Variants in FKBP15 observed in about 807,000 individuals in gnomAD.
FKBP15 encodes the protein FK506-binding protein 15.
A neutral mutation model predicts 158.1 loss-of-function variants in FKBP15; 106 were observed. That is an observed-to-expected ratio of 0.67 (90% confidence interval 0.57 to 0.79). The LOEUF (loss-of-function observed/expected upper bound fraction) is 0.79, where lower values mean the gene tolerates loss of function less well. FKBP15 is among the 30% of genes least tolerant of loss of function. The probability of loss-of-function intolerance (pLI) is 0.00; values close to 1 mark genes in which losing one functional copy is unlikely to be tolerated. For missense variants in FKBP15, 1,287 were observed against 1,479.1 expected (o/e 0.87, Z 2.13); for synonymous variants, 547 against 548.6 (o/e 1.00, Z 0.04).
intron 20 of FKBP15, among the ~76,000 whole-genome samples, chr9:113,177,828 C>G (rs918289963): frequency 6.6e-6 from 1 of 152,186 alleles, no homozygotes; most frequent in Non-Finnish European, 1.5e-5. Context: ...GTAGATTAAT[C>G]AACCTGCTGG....
chr9:113,195,113 A>T (rs1830646738), intron 9 of FKBP15, among the ~76,000 whole-genome samples: 1 of 152,218 alleles, frequency 6.6e-6, no homozygotes, highest in Non-Finnish European at 1.5e-5. Flanking sequence ...TGGAACGCTA[A>T]GCTTGTGGGA....
intron 18 of FKBP15, 142 bp from the exon 19 acceptor site, chr9:113,183,010 G>C: frequency 1.4e-6 from 1 of 731,396 alleles, no homozygotes; most frequent in South Asian, 1.6e-5. Flanking sequence ...CTTTTCCTTA[G>C]ATCTGAAGTA....
Position 113,203,019 on chromosome 9 carries a change from T to G in FKBP15, c.341A>C (p.Tyr114Ser), listed in dbSNP as rs1335864405. Residue 114 changes from tyrosine (Y) to serine (S), a missense_variant, in exon 5 of 28, where the codon TAT becomes TCT. Coordinates refer to ENST00000238256, the MANE Select transcript of FKBP15 (RefSeq NM_015258.2). The stretch of plus-strand genomic sequence containing the variant: ...CGTAACTGGCTGTTGTTGACTGATA[T>G]AAAGAAGAATCCTATACTGTAGACA... ...HTAREYRILL[Y>S]ISQQQPVTVA... The G allele has an allele frequency of 8.1e-6, 13 of 1,609,264 alleles. No individual in the cohort carries two copies. The highest frequency in any genetic ancestry group is 1.0e-5 in the Non-Finnish European group (12 of 1,178,126).
At chr9:113,175,693 C>T (rs1288337240) in intron 21 of FKBP15, among the ~76,000 whole-genome samples, 1 of 151,862 alleles carries the variant, frequency 6.6e-6, no homozygotes, top group Non-Finnish European at 1.5e-5. Flanking sequence ...AAAGGGTTTA[C>T]AAATCAAACT....
Position 113,169,714 on chromosome 9 carries a change from G to A in FKBP15, c.2995C>T (p.Leu999Phe), listed in dbSNP as rs565626232. 3.1e-6 allele frequency: 5 copies of A among 1,613,782 alleles called. No individual in the cohort carries two copies. Among genetic ancestry groups the A allele is most frequent in the Admixed American group, 3.3e-5 (2 of 59,992 alleles). ...CTGTGTCCATCCTGGGAAGTGGTGA[G>A]GGCCTGAGGAGGCAACGGGACAGCT... The part of the protein sequence containing the change: ...EEAVPLPPQA[L>F]TTSQDGHRRK... The change falls in exon 26 of 28, where the codon CTC becomes TTC. Residue 999 changes from leucine (L) to phenylalanine (F), a missense_variant. Transcript: ENST00000238256.
At position 113,184,901 on chromosome 9, in the gene FKBP15, A is replaced by T; in HGVS notation, c.1499-97T>A. 1.1e-6 allele frequency: 1 copy of T among 897,340 alleles called. No individual in the cohort carries two copies. The highest frequency in any genetic ancestry group is 1.5e-5 in the South Asian group (1 of 65,320). The allele number at this position is 897,340 out of a possible 1,614,324, so 55.6% of individuals were successfully genotyped here. On this transcript the variant is annotated intron_variant, in intron 15 of 27. Transcript: ENST00000238256. This position sits in a 1 kb window ranked among gnomAD's most constrained non-coding sequence, Gnocchi z 4.5. Reference sequence around the variant, plus strand: ...GCTCTTCCAGTAAAGAAAGAAATTAATACTTCCATACACTAGGAAATGCTA... The same window carrying T: ...GCTCTTCCAGTAAAGAAAGAAATTATTACTTCCATACACTAGGAAATGCTA...
At chr9:113,214,345 T>G (rs1831077185) in intron 1 of FKBP15, among the ~76,000 whole-genome samples, 2 of 152,198 alleles carry the variant, frequency 1.3e-5, no homozygotes, top group Admixed American at 1.3e-4. Context: ...GCAGAATGGA[T>G]GTTGTGTTAG....
chr9:113,207,028 G>A (rs1458854300), intron 3 of FKBP15, 184 bp downstream of exon 3: 1 of 576,846 alleles, frequency 1.7e-6, no homozygotes, highest in Non-Finnish European at 3.1e-6. Flanking sequence ...CAGTAGACAA[G>A]ATAATGGCTT....
chr9:113,217,108 T>C (rs1406015024), intron 1 of FKBP15, among the ~76,000 whole-genome samples: 3 of 151,732 alleles, frequency 2.0e-5, no homozygotes. Context: ...TTCACCACAT[T>C]GGCCAGGCTG....
intron 1 of FKBP15, among the ~76,000 whole-genome samples, chr9:113,217,359 C>T (rs538872946): frequency 1.3e-5 from 2 of 151,532 alleles, no homozygotes; most frequent in South Asian, 4.2e-4. Context: ...ATTATAGGCA[C>T]CTGCCACCAC....
chr9:113,194,533 C>T (rs886621748), intron 9 of FKBP15, among the ~76,000 whole-genome samples: 26 of 151,464 alleles, frequency 1.7e-4, no homozygotes, highest in Admixed American at 9.9e-4. Context: ...ACTTATTTTT[C>T]CTTACACAAG....
chr9:113,217,207 T>TTTG (rs1426948153), intron 1 of FKBP15, among the ~76,000 whole-genome samples: 1 of 143,310 alleles, frequency 7.0e-6, no homozygotes, highest in Non-Finnish European at 1.5e-5. Flanking sequence ...CCCAGTTTTT[T>TTTG]TTTTTTTTTT....
In FKBP15 at chr9:113,178,794, A is replaced by C. The variant is rs1488729566; in HGVS notation, c.1922T>G (p.Val641Gly). 6.2e-7 allele frequency: 1 copy of C among 1,604,662 alleles called. No homozygotes were observed. The highest frequency in any genetic ancestry group is 1.7e-5 in the Admixed American group (1 of 58,534). Reference protein sequence around the residue: ...VLHAEQEKAKVTEELAAATAQ... With the variant: ...VLHAEQEKAKGTEELAAATAQ... ...AGTGGCCGCTGCTAACTCCTCTGTC[A>C]CCTTGGCCTGAATAATAACAAAGTA... Residue 641 changes from valine to glycine, a missense_variant, in exon 20 of 28, where the codon GTG becomes GGG. By Grantham distance (109) the Val-to-Gly change is moderately radical. Coordinates refer to ENST00000238256, the MANE Select transcript of FKBP15 (RefSeq NM_015258.2).
At chr9:113,175,153 C>CATACCCTG (rs1426811137) in intron 21 of FKBP15, among the ~76,000 whole-genome samples, 1 of 150,118 alleles carries the variant, frequency 6.7e-6, no homozygotes, top group African/African-American at 2.4e-5. Flanking sequence ...CAGACATTCT[C>CATACCCTG]ATACCCTGAT....
At chr9:113,208,682 A>T (rs758452839) in intron 2 of FKBP15, among the ~76,000 whole-genome samples, 1 of 152,138 alleles carries the variant, frequency 6.6e-6, no homozygotes, top group African/African-American at 2.4e-5. Flanking sequence ...AAAGGAGTAT[A>T]AAAAATTTAA....
chr9:113,183,990 C>A, intron 17 of FKBP15, 145 bp from the exon 18 acceptor site: 1 of 653,280 alleles, frequency 1.5e-6, no homozygotes. Flanking sequence ...TATGTTAAAA[C>A]AACACATCAG....
Position 113,194,155 on chromosome 9 carries a change from T to C in FKBP15, c.879A>G (p.Arg293=), listed in dbSNP as rs149222255. ...CACTGTGACCATCAGAGCCAGAATC[T>C]CTGGCAAACTTCACCTAAGGAAACA... is the stretch of plus-strand genomic sequence containing the variant. ...EVEVRRVKFA[R]DSGSDGHSVS... The change falls in exon 10 of 28, where the codon AGA becomes AGG. Residue 293 remains arginine, a synonymous_variant. Coordinates refer to ENST00000238256, the MANE Select transcript of FKBP15 (RefSeq NM_015258.2). The C allele has an allele frequency of 4.1e-5, 66 of 1,610,450 alleles. No homozygotes were observed. In the Middle Eastern group the frequency reaches 1.0e-3, roughly 25 times the overall value.
chr9:113,179,734 G>A (rs1005227915), intron 19 of FKBP15, among the ~76,000 whole-genome samples: 5 of 151,176 alleles, frequency 3.3e-5, no homozygotes, highest in African/African-American at 9.7e-5. Flanking sequence ...CTCTGCCTGT[G>A]GGGTAATCAT....
chr9:113,197,726 CT>C (rs1830714469), intron 8 of FKBP15, among the ~76,000 whole-genome samples: 1 of 152,168 alleles, frequency 6.6e-6, no homozygotes, highest in South Asian at 2.1e-4. Flanking sequence ...CATGCATGAT[CT>C]TGTTTAAGCC....
Sources: gnomAD v4.1 joint callset for allele counts (sites outside exome capture counted in the v4.1 genomes callset) on GRCh38, gnomAD v4.1.1 for gene constraint, Gnocchi (gnomAD v3.1) non-coding constraint, MANE v1.5 for transcripts, NCBI Gene and HGNC (gene_info 2026-07-23, HGNC 2026-07-21) for gene names.